Variants in CUL4A observed in about 807,000 individuals in gnomAD.
CUL4A encodes cullin 4A.
A neutral mutation model predicts 95.5 loss-of-function variants in CUL4A; 16 were observed. The ratio of observed to expected loss-of-function variants is 0.17; its 90% CI spans 0.11 to 0.25. The LOEUF is 0.25. Among genes scored for constraint, CUL4A ranks in the 10% least tolerant of loss-of-function variants. CUL4A has a pLI of 1.00. For missense variants in CUL4A, 610 were observed against 937.0 expected, an observed-to-expected ratio of 0.65 and a Z score of 4.56; for synonymous variants, 380 against 353.1, an observed-to-expected ratio of 1.08 and a Z score of -0.85.
chr13:113,247,268 G>C (rs967906677), intron 15 of CUL4A, among the ~76,000 whole-genome samples: 1 of 152,094 alleles, frequency 6.6e-6, no homozygotes, highest in African/African-American at 2.4e-5. Flanking sequence ...GATTTAGAGG[G>C]GACAGACCCC....
chr13:113,242,904 C>G (rs143435230), intron 10 of CUL4A, 64 bp from the exon 11 acceptor site: 3 of 1,245,094 alleles, frequency 2.4e-6, no homozygotes, highest in African/African-American at 3.0e-5. Flanking sequence ...TATATGATAG[C>G]AGGAGAAGAT....
chr13:113,255,367 C>T (rs1356839368), intron 18 of CUL4A, among the ~76,000 whole-genome samples: 2 of 152,154 alleles, frequency 1.3e-5, no homozygotes, highest in Admixed American at 1.3e-4. Flanking sequence ...AAGTTGTGTG[C>T]TAAGCCAGAA....
At chr13:113,260,128 C>T (rs552352899) in intron 18 of CUL4A, among the ~76,000 whole-genome samples, 2 of 141,596 alleles carry the variant, frequency 1.4e-5, no homozygotes, top group South Asian at 2.3e-4. Context: ...GGCGTGAACC[C>T]GGGGGGCGGA....
At chr13:113,248,306 C>T (rs2041907761) in intron 15 of CUL4A, among the ~76,000 whole-genome samples, 1 of 152,062 alleles carries the variant, frequency 6.6e-6, no homozygotes, top group Admixed American at 6.5e-5. Context: ...AGGAAGAGCC[C>T]TTCTTTCCAC....
chr13:113,223,266 T>C (rs1595364517), intron 3 of CUL4A, among the ~76,000 whole-genome samples: 1 of 152,190 alleles, frequency 6.6e-6, no homozygotes, highest in Non-Finnish European at 1.5e-5. Context: ...GAAATGTTAA[T>C]GTGATGGCAG....
chr13:113,226,995 G>T (rs1324218939), intron 3 of CUL4A, among the ~76,000 whole-genome samples: 2 of 152,180 alleles, frequency 1.3e-5, no homozygotes, highest in African/African-American at 4.8e-5. Flanking sequence ...GGGCACTTAA[G>T]GCCTGGGTGT....
chr13:113,226,356 A>T (rs775101622), intron 3 of CUL4A, among the ~76,000 whole-genome samples: 1 of 152,226 alleles, frequency 6.6e-6, no homozygotes, highest in Non-Finnish European at 1.5e-5. Context: ...ATCAAGAGTT[A>T]AAATGTAGGA....
chr13:113,229,711 C>A, intron 5 of CUL4A, 192 bp downstream of exon 5: 1 of 561,350 alleles, frequency 1.8e-6, no homozygotes. Context: ...GTCTAGCCAG[C>A]AGCAAGGAGT....
At chr13:113,246,235 G>C (rs2041853608) in intron 15 of CUL4A, among the ~76,000 whole-genome samples, 172 bp downstream of exon 15, 2 of 152,216 alleles carry the variant, frequency 1.3e-5, no homozygotes, top group African/African-American at 4.8e-5. Flanking sequence ...GACCACTTTT[G>C]TCACCTTCTG....
intron 3 of CUL4A, among the ~76,000 whole-genome samples, chr13:113,220,281 T>C (rs1023830550): frequency 3.3e-5 from 5 of 152,330 alleles, no homozygotes; most frequent in African/African-American, 7.2e-5. Flanking sequence ...CCCGCACAGA[T>C]GTGAGTGAAG....
intron 2 of CUL4A, among the ~76,000 whole-genome samples, chr13:113,214,007 C>T (rs564267427): frequency 2.6e-5 from 4 of 152,354 alleles, no homozygotes; most frequent in African/African-American, 9.6e-5. Flanking sequence ...GCAGGCAATA[C>T]ATTTGACTTG....
rs527501628 is a variant in CUL4A, at chr13:113,258,196, A to C, written c.2032-2411A>C. On this transcript the variant is annotated intron_variant, in intron 18 of 19. Transcript: ENST00000375440. ...TGTAGAGATGAGGCCTTGCCATGTTACCCAGGCTGGTCTTGAACTCCTGGG... is the reference window on the plus strand; with the variant it reads ...TGTAGAGATGAGGCCTTGCCATGTTCCCCAGGCTGGTCTTGAACTCCTGGG... Among the ~76,000 whole-genome samples, 7 of 151,970 alleles carry C rather than the reference A, an allele frequency of 4.6e-5. No individual in the cohort carries two copies. The East Asian group carries it at 1.2e-3, about 25-fold the overall frequency.
chr13:113,214,802 G>T lies in CUL4A; in HGVS notation c.265-4143G>T, dbSNP rs1279196646. Among the ~76,000 whole-genome samples, 13 of 152,102 alleles carry T rather than the reference G, an allele frequency of 8.5e-5. 1 individual carries two copies. Among genetic ancestry groups the T allele is most frequent in the Admixed American group, 8.5e-4 (13 of 15,272 alleles). ...GGCATCCTTCCCTCACACCCAAGCTGCAGGCCCAGCGTAGGAATGGGACCT... is the reference window on the plus strand; with the variant it reads ...GGCATCCTTCCCTCACACCCAAGCTTCAGGCCCAGCGTAGGAATGGGACCT... On this transcript the variant is annotated intron_variant, in intron 2 of 19. Coordinates refer to ENST00000375440, the MANE Select transcript of CUL4A (RefSeq NM_001008895.4).
intron 2 of CUL4A, among the ~76,000 whole-genome samples, chr13:113,212,940 A>C (rs886619478): frequency 1.3e-5 from 2 of 152,198 alleles, no homozygotes; most frequent in African/African-American, 4.8e-5. Context: ...TTGGCCCCCC[A>C]GCTTCATACA....
At chr13:113,241,118 T>G (rs1040103254) in intron 10 of CUL4A, among the ~76,000 whole-genome samples, 1 of 152,192 alleles carries the variant, frequency 6.6e-6, no homozygotes, top group Non-Finnish European at 1.5e-5. Context: ...CGTACAATGA[T>G]AGAATTGGAA....
chr13:113,241,379 C>A (rs2041704303), intron 10 of CUL4A, among the ~76,000 whole-genome samples: 1 of 152,124 alleles, frequency 6.6e-6, no homozygotes, highest in African/African-American at 2.4e-5. Context: ...AAAGCTGGGC[C>A]TTGTAGTGTA....
At chr13:113,235,970 CAA>C (rs35017025) in intron 8 of CUL4A, among the ~76,000 whole-genome samples, 6 of 65,066 alleles carry the variant, frequency 9.2e-5, no homozygotes, top group East Asian at 4.9e-4. Flanking sequence ...GACTCCGTCT[CAA>C]AAAAAAAAAA....
At chr13:113,211,259 AG>A (rs904715324) in intron 2 of CUL4A, among the ~76,000 whole-genome samples, 1 of 152,238 alleles carries the variant, frequency 6.6e-6, no homozygotes, top group African/African-American at 2.4e-5. Context: ...CACTTAGGAC[AG>A]TGCTTTTGAG....
chr13:113,220,100 A>G (rs947069167), intron 3 of CUL4A, among the ~76,000 whole-genome samples: 6 of 152,216 alleles, frequency 3.9e-5, no homozygotes, highest in African/African-American at 9.6e-5. Context: ...TTCTAGTTCA[A>G]GGAAACTTCT....
Sources: allele counts gnomAD v4.1 joint callset (sites outside exome capture counted in the v4.1 genomes callset), GRCh38; gene constraint gnomAD v4.1.1; transcripts MANE v1.5; gene names NCBI Gene and HGNC (gene_info 2026-07-23, HGNC 2026-07-21).